Variants in PRDM16 observed in about 807,000 individuals in gnomAD.
The protein encoded by PRDM16 is histone-lysine N-methyltransferase PRDM16.
PRDM16 carries 23 observed loss-of-function variants against 110.6 expected under a neutral mutation model. The ratio of observed to expected loss-of-function variants is 0.21; its 90% CI spans 0.15 to 0.29. PRDM16 has a LOEUF of 0.29. Among genes scored for constraint, PRDM16 ranks in the 10% least tolerant of loss-of-function variants. The pLI, the probability that PRDM16 is intolerant of heterozygous loss-of-function variation, is 1.00. For synonymous variants in PRDM16, 799 were observed against 781.8 expected, an observed-to-expected ratio of 1.02 and a Z score of -0.37; for missense variants, 1,615 against 1,794.3, an observed-to-expected ratio of 0.90 and a Z score of 1.81.
chr1:3,176,714 A>T (rs1375953026), intron 1 of PRDM16, among the ~76,000 whole-genome samples: 1 of 142,740 alleles, frequency 7.0e-6, no homozygotes, highest in East Asian at 2.5e-4. Context: ...CCATCTATCC[A>T]TCCATCCATC....
intron 3 of PRDM16, among the ~76,000 whole-genome samples, chr1:3,256,793 C>T (rs528401902): frequency 6.6e-6 from 1 of 152,072 alleles, no homozygotes; most frequent in African/African-American, 2.4e-5. Context: ...GGAGGCAGAG[C>T]TTGCAGTGAG....
chr1:3,176,045 CCT>C (rs1644082201), intron 1 of PRDM16, among the ~76,000 whole-genome samples: 1 of 10,612 alleles, frequency 9.4e-5, no homozygotes, highest in Non-Finnish European at 2.5e-4. Context: ...CCATCCATCC[CCT>C]CATCCATCCA....
chr1:3,099,729 C>T (rs770184304), intron 1 of PRDM16, among the ~76,000 whole-genome samples: 4 of 152,168 alleles, frequency 2.6e-5, no homozygotes, highest in Non-Finnish European at 4.4e-5. Flanking sequence ...CCCACCAGGC[C>T]GCCATGGCAG....
At chr1:3,279,708 G>A (rs185979137) in intron 3 of PRDM16, among the ~76,000 whole-genome samples, 2 of 152,364 alleles carry the variant, frequency 1.3e-5, no homozygotes, top group East Asian at 3.9e-4. Flanking sequence ...TGGAGCTGAA[G>A]GGGATGGTGG....
chr1:3,318,483 A>G (rs1169032160), intron 3 of PRDM16, among the ~76,000 whole-genome samples: 3 of 152,178 alleles, frequency 2.0e-5, no homozygotes, highest in Non-Finnish European at 4.4e-5. Flanking sequence ...TTGATTATCA[A>G]TTGATTATTT....
chr1:3,101,751 G>A (rs1410898495), intron 1 of PRDM16, among the ~76,000 whole-genome samples: 1 of 152,224 alleles, frequency 6.6e-6, no homozygotes, highest in African/African-American at 2.4e-5. Context: ...AGGGCAGCTT[G>A]AGGCTGAGAA....
intron 1 of PRDM16, among the ~76,000 whole-genome samples, chr1:3,106,687 C>T (rs56363358): frequency 6.6e-6 from 1 of 152,090 alleles, no homozygotes; most frequent in African/African-American, 2.4e-5. Context: ...GTCCCAAGCA[C>T]CTGGGCCAGT....
chr1:3,138,299 C>T (rs530111863), intron 1 of PRDM16, among the ~76,000 whole-genome samples: 41 of 152,350 alleles, frequency 2.7e-4, no homozygotes, highest in African/African-American at 9.4e-4. Context: ...AGCCTTTTTG[C>T]ATCCACTGCT....
intron 2 of PRDM16, among the ~76,000 whole-genome samples, chr1:3,231,799 G>T (rs1029942472): frequency 2.6e-5 from 4 of 152,230 alleles, no homozygotes; most frequent in African/African-American, 9.6e-5. Context: ...ATCACGGGCA[G>T]AGCGGGCAGC....
chr1:3,179,692 G>T (rs1040981252), intron 1 of PRDM16, among the ~76,000 whole-genome samples: 3 of 151,982 alleles, frequency 2.0e-5, no homozygotes, highest in Non-Finnish European at 2.9e-5. Context: ...CCGCTCTCAA[G>T]GCCGGGCACC....
At position 3,325,718 on chromosome 1, in the gene PRDM16, G is replaced by T. The variant is rs566391092; in HGVS notation, c.439-59434G>T. ...CTCTGTCCCCAGCCTCTCCAGGTCT[G>T]GTGTTGCTGGCCATCCTTGGCCCTC... On this transcript the variant is annotated intron_variant, in intron 3 of 16. Transcript: ENST00000270722. Among the ~76,000 whole-genome samples, 53 of 152,308 alleles carry T rather than the reference G, an allele frequency of 3.5e-4. 1 individual carries two copies. The South Asian group carries it at 0.011, about 32-fold the overall frequency.
At position 3,411,883 on chromosome 1, in the gene PRDM16, C is replaced by T; in HGVS notation, c.1686C>T (p.Val562=). 6.2e-7 allele frequency: 1 copy of T among 1,613,190 alleles called. No homozygotes were observed. The highest frequency in any genetic ancestry group is 8.5e-7 in the Non-Finnish European group (1 of 1,179,566). ...GNPALPLVSA[V]SNSSQGTTAA... is the part of the protein sequence containing the mutation. ...CAGCCCTGCCCCTGGTCTCCGCCGT[C>T]AGCAACAGCAGCCAGGGCACGACGG... Residue 562 remains valine, a synonymous_variant, in exon 9 of 17, where the codon GTC becomes GTT. Transcript: ENST00000270722.
At chr1:3,317,407 G>A (rs565342997) in intron 3 of PRDM16, among the ~76,000 whole-genome samples, 40 of 152,338 alleles carry the variant, frequency 2.6e-4, no homozygotes, top group African/African-American at 8.7e-4. Flanking sequence ...TCCAGCAGCC[G>A]CTGCACGATG....
chr1:3,252,641 C>T (rs1569930642), intron 3 of PRDM16, among the ~76,000 whole-genome samples: 1 of 152,108 alleles, frequency 6.6e-6, no homozygotes, highest in African/African-American at 2.4e-5. Flanking sequence ...GGTGGGGCAG[C>T]CAGGTCCCAG....
At chr1:3,237,667 C>G (rs1371069498) in intron 2 of PRDM16, among the ~76,000 whole-genome samples, 1 of 152,232 alleles carries the variant, frequency 6.6e-6, no homozygotes, top group African/African-American at 2.4e-5. Context: ...AATCATCTCA[C>G]AGGAAGGGAG....
At chr1:3,409,056 T>C (rs1429915775) in intron 8 of PRDM16, among the ~76,000 whole-genome samples, 3 of 151,034 alleles carry the variant, frequency 2.0e-5, no homozygotes, top group Non-Finnish European at 4.4e-5. Flanking sequence ...GGCCGGTGCG[T>C]GTGTCGGCGC....
chr1:3,162,074 C>T (rs1643902676), intron 1 of PRDM16, among the ~76,000 whole-genome samples: 1 of 152,180 alleles, frequency 6.6e-6, no homozygotes, highest in East Asian at 1.9e-4. Context: ...CCCAAGACCC[C>T]AAAACCACAC....
Position 3,385,161 on chromosome 1 carries a change from G to A in PRDM16, c.448G>A (p.Asp150Asn). Residue 150 changes from aspartate (D) to asparagine (N), a missense_variant, in exon 4 of 17, where the codon GAC (aspartate) becomes AAC (asparagine). Physicochemically the swap from Asp to Asn is conservative, Grantham distance 23 (BLOSUM62 1). This residue lies in a region of PRDM16 where 416 missense variants were observed against 467.1 expected (regional missense o/e 0.89). Transcript: ENST00000270722. ...QEGCITKISE[D>N]LGSEKFCVDA... The stretch of plus-strand genomic sequence containing the variant: ...GCTTTCCTCCCAGCAGATCTCCGAA[G>A]ACCTGGGCAGTGAGAAGTTCTGCGT... 1 of 1,613,434 alleles carries A rather than the reference G, an allele frequency of 6.2e-7. No homozygotes were observed. Among genetic ancestry groups the A allele is most frequent in the Non-Finnish European group, 8.5e-7 (1 of 1,180,030 alleles).
chr1:3,309,107 C>G (rs1405958804), intron 3 of PRDM16: 1 of 152,292 alleles, frequency 6.6e-6, no homozygotes, highest in East Asian at 1.9e-4. Context: ...CTCATTCCAT[C>G]CCAGGTTTCC....
Sources: allele counts gnomAD v4.1 joint callset (sites outside exome capture counted in the v4.1 genomes callset), GRCh38; gene constraint gnomAD v4.1.1; regional missense constraint gnomAD v4.1.1; transcripts MANE v1.5; gene names NCBI Gene and HGNC (gene_info 2026-07-23, HGNC 2026-07-21).